PREX1: variants seen among roughly 807,000 people sequenced by gnomAD.
The protein encoded by PREX1 is phosphatidylinositol-3,4,5-trisphosphate dependent Rac exchange factor 1, also known as phosphatidylinositol 3,4,5-trisphosphate-dependent Rac exchanger 1 protein.
A neutral mutation model predicts 198.3 loss-of-function variants in PREX1; 41 were observed. That is an observed-to-expected ratio of 0.21 (90% CI 0.16 to 0.27). The LOEUF (loss-of-function observed/expected upper bound fraction) is 0.27. Among genes scored for constraint, PREX1 ranks in the 10% least tolerant of loss-of-function variants. PREX1 has a pLI of 1.00. For synonymous variants in PREX1, 843 were observed against 887.2 expected (o/e 0.95, Z 0.89); for missense variants, 1,620 against 2,200.7 (o/e 0.74, Z 5.28).
intron 1 of PREX1, among the ~76,000 whole-genome samples, chr20:48,777,518 C>G (rs905398827): frequency 1.5e-4 from 23 of 152,238 alleles, no homozygotes; most frequent in African/African-American, 5.3e-4. Context: ...TCACAAATAT[C>G]TGAGAACAAA....
At chr20:48,877,755 G>C in the PREX1 span, among the ~76,000 whole-genome samples, 648 of 152,306 alleles carry the variant, frequency 4.3e-3, 3 homozygotes, top group Middle Eastern at 0.014. Context: ...CAAATCATTT[G>C]ACTCCTCTGC....
intron 35 of PREX1, among the ~76,000 whole-genome samples, chr20:48,631,413 C>T (rs2089313531): frequency 6.6e-6 from 1 of 152,214 alleles, no homozygotes; most frequent in Non-Finnish European, 1.5e-5. Flanking sequence ...TTGTTTTGCT[C>T]ACTGCACATT....
chr20:48,883,900 G>A, the PREX1 span, among the ~76,000 whole-genome samples: 9 of 152,082 alleles, frequency 5.9e-5, no homozygotes, highest in Admixed American at 3.9e-4. Context: ...CAGCACTTTG[G>A]GGGGCTGAGG....
At chr20:48,710,508 T>C (rs936414355) in intron 5 of PREX1, among the ~76,000 whole-genome samples, 27 of 152,228 alleles carry the variant, frequency 1.8e-4, no homozygotes, top group African/African-American at 5.8e-4. Flanking sequence ...TTCTTCTCGA[T>C]TGGCAGATGC....
intron 1 of PREX1, among the ~76,000 whole-genome samples, chr20:48,780,605 A>C (rs996932049): frequency 1.3e-5 from 2 of 152,202 alleles, no homozygotes; most frequent in Admixed American, 1.3e-4. Flanking sequence ...AATAATGACA[A>C]TACTGGTTTA....
At chr20:48,750,893 T>A (rs1011000045) in intron 1 of PREX1, among the ~76,000 whole-genome samples, 1 of 152,226 alleles carries the variant, frequency 6.6e-6, no homozygotes, top group African/African-American at 2.4e-5. Context: ...GGGTCCTTCC[T>A]GCTGTGTGAC....
intron 14 of PREX1, among the ~76,000 whole-genome samples, chr20:48,675,000 T>C (rs375869974): frequency 6.6e-6 from 1 of 152,308 alleles, no homozygotes; most frequent in Admixed American, 6.5e-5. Flanking sequence ...AAAGCCCTAG[T>C]GTGGAAGCAA....
intron 1 of PREX1, among the ~76,000 whole-genome samples, chr20:48,755,662 T>C (rs889474353): frequency 6.6e-6 from 1 of 152,196 alleles, no homozygotes; most frequent in Non-Finnish European, 1.5e-5. Context: ...TAGGCACTTA[T>C]GTTCCTAGTG....
chr20:48,655,386 T>A lies in PREX1; in HGVS notation c.2124-11A>T, dbSNP rs754993321. The A allele has an allele frequency of 6.5e-7, 1 of 1,528,700 alleles. No homozygotes were observed. Among genetic ancestry groups the A allele is most frequent in the Non-Finnish European group, 8.9e-7 (1 of 1,128,912 alleles). 94.7% of individuals were successfully genotyped at this position (1,528,700 alleles called of 1,614,324 possible). A position where few individuals can be genotyped will look rare whatever the true frequency, so the allele number is the denominator to read the frequency against. ...GGGATTTTGATGATCCTGCACCAGG[T>A]AGAAGAGGCAGGGAAAAAGGCCATG... is the stretch of plus-strand genomic sequence containing the variant. On this transcript the variant is annotated splice_polypyrimidine_tract_variant and intron_variant, in intron 18 of 39. Coordinates refer to ENST00000371941, the MANE Select transcript of PREX1 (RefSeq NM_020820.4).
At chr20:48,735,576 C>G (rs1365189213) in intron 3 of PREX1, among the ~76,000 whole-genome samples, 1 of 151,378 alleles carries the variant, frequency 6.6e-6, no homozygotes, top group Non-Finnish European at 1.5e-5. Flanking sequence ...TGATGGCTAA[C>G]ACAGAGTACA....
chr20:48,709,786 T>A (rs2089922166), intron 5 of PREX1, among the ~76,000 whole-genome samples: 1 of 152,226 alleles, frequency 6.6e-6, no homozygotes, highest in Non-Finnish European at 1.5e-5. Context: ...CCTTGCTGTA[T>A]GACAACACGC....
chr20:48,711,987 T>A (rs1276750392), intron 5 of PREX1, among the ~76,000 whole-genome samples: 2 of 152,254 alleles, frequency 1.3e-5, no homozygotes, highest in African/African-American at 2.4e-5. Context: ...GGAGCCACCA[T>A]GCTGCCCTGG....
chr20:48,833,163 C>G, the PREX1 span, among the ~76,000 whole-genome samples: 1 of 152,170 alleles, frequency 6.6e-6, no homozygotes, highest in Non-Finnish European at 1.5e-5. Context: ...ATCCAAAGTG[C>G]ATAGTATGCT....
chr20:48,671,674 C>A (rs1294240841), intron 14 of PREX1, among the ~76,000 whole-genome samples: 1 of 152,220 alleles, frequency 6.6e-6, no homozygotes, highest in Non-Finnish European at 1.5e-5. Context: ...GGGGGTGACT[C>A]CTGAAATCAA....
chr20:48,675,374 C>CT (rs1289095933), intron 14 of PREX1, among the ~76,000 whole-genome samples: 1 of 152,222 alleles, frequency 6.6e-6, no homozygotes, highest in Non-Finnish European at 1.5e-5. Flanking sequence ...ATTACCCAGT[C>CT]TCAGGTATTT....
intron 7 of PREX1, among the ~76,000 whole-genome samples, chr20:48,699,394 A>G (rs2123064940): frequency 6.6e-6 from 1 of 152,252 alleles, no homozygotes; most frequent in South Asian, 2.1e-4. Context: ...AGACCATCCT[A>G]TACCTGCTGA....
At chr20:48,708,452 G>T (rs2089913857) in intron 5 of PREX1, 31 bp from the exon 6 acceptor site, 1 of 1,610,688 alleles carries the variant, frequency 6.2e-7, no homozygotes, top group African/African-American at 1.3e-5. Context: ...GGAGAAGAAA[G>T]CAAGACATCA....
At position 48,827,526 on chromosome 20, in the gene PREX1, G is replaced by C. The variant is rs1035850185; in HGVS notation, c.219+116C>G. On this transcript the variant is annotated intron_variant, in intron 1 of 39. Transcript: ENST00000371941. The surrounding 1 kb of genome is among the most constrained non-coding windows in gnomAD (Gnocchi z 4.1). ...CCCCCCCGCTTTCCGCGCGCCCTGCGGGGCGCCCCCGAGGCAATTCTCCAC... is the reference window on the plus strand; with the variant it reads ...CCCCCCCGCTTTCCGCGCGCCCTGCCGGGCGCCCCCGAGGCAATTCTCCAC... 39 of 794,476 alleles carry C rather than the reference G, an allele frequency of 4.9e-5. No individual in the cohort carries two copies. The highest frequency in any genetic ancestry group is 6.5e-5 in the Non-Finnish European group (39 of 598,064). 49.2% of individuals were successfully genotyped at this position (794,476 alleles called of 1,614,324 possible). A position where few individuals can be genotyped will look rare whatever the true frequency, so the allele number is the denominator to read the frequency against.
At chr20:48,693,188 G>GTCCA (rs10626115) in intron 7 of PREX1, among the ~76,000 whole-genome samples, 23,574 of 150,800 alleles carry the variant, frequency 0.16, 2,115 homozygotes, top group African/African-American at 0.25. Flanking sequence ...CTGGCAGTCC[G>GTCCA]TCCATCCATC....
Sources: allele counts gnomAD v4.1 joint callset (sites outside exome capture counted in the v4.1 genomes callset), GRCh38; gene constraint gnomAD v4.1.1; non-coding constraint Gnocchi (gnomAD v3.1); transcripts MANE v1.5; gene names NCBI Gene and HGNC (gene_info 2026-07-23, HGNC 2026-07-21).